The following FUT8 variants were observed in gnomAD, a reference collection of about 807,000 sequenced individuals.
FUT8 encodes the protein fucosyltransferase 8.
FUT8 carries 29 observed loss-of-function variants against 71.3 expected under a neutral mutation model. The observed-to-expected ratio is 0.41, with a 90% CI of 0.30 to 0.55. The LOEUF is 0.55. FUT8 is among the 20% of genes least tolerant of loss of function. The pLI, the probability that FUT8 is intolerant of heterozygous loss-of-function variation, is 0.34. For synonymous variants in FUT8, 254 were observed against 239.3 expected (o/e 1.06, Z -0.57); for missense variants, 544 against 702.1 (o/e 0.77, Z 2.55).
At chr14:65,599,857 G>A (rs1037476318) in intron 3 of FUT8, among the ~76,000 whole-genome samples, 1 of 152,072 alleles carries the variant, frequency 6.6e-6, no homozygotes, top group East Asian at 1.9e-4. Flanking sequence ...TACAATAATC[G>A]TTAATTTTAT....
chr14:65,674,658 T>A (rs540640895), intron 7 of FUT8, among the ~76,000 whole-genome samples: 102 of 152,336 alleles, frequency 6.7e-4, no homozygotes, highest in African/African-American at 2.3e-3. Flanking sequence ...GGGCCACTCA[T>A]AGAGTCTCTC....
At chr14:65,740,329 GGGGC>G in intron 10 of FUT8, among the ~76,000 whole-genome samples, 1 of 5,178 alleles carries the variant, frequency 1.9e-4, no homozygotes, top group South Asian at 0.016. Flanking sequence ...TAAAAATATT[GGGGC>G]AAATGTAGTT....
At chr14:65,740,431 A>T (rs1272386699) in intron 10 of FUT8, among the ~76,000 whole-genome samples, 1 of 152,034 alleles carries the variant, frequency 6.6e-6, no homozygotes, top group Non-Finnish European at 1.5e-5. Context: ...TGATTAACCT[A>T]GTCAGATTTT....
the FUT8 span, among the ~76,000 whole-genome samples, chr14:65,376,810 T>C: frequency 2.0e-5 from 3 of 152,118 alleles, no homozygotes; most frequent in Non-Finnish European, 4.4e-5. Context: ...AACAACTCCA[T>C]GTTTGATGGG....
At chr14:65,695,042 A>G (rs1893920355) in intron 7 of FUT8, among the ~76,000 whole-genome samples, 1 of 152,186 alleles carries the variant, frequency 6.6e-6, no homozygotes, top group East Asian at 1.9e-4. Flanking sequence ...TTAGAGTATA[A>G]TAAATAAATA....
rs200756618 is a variant in FUT8, at chr14:65,603,700, T to TA, written c.204-12269dup. ...TCTTTTCAAAAGAACAAAAATACAC[T>TA]AAAAAAAAATCCAAGGTATACAGGC... On this transcript the variant is annotated intron_variant, in intron 3 of 10. Transcript: ENST00000673929. The surrounding 1 kb of genome is among the most constrained non-coding windows in gnomAD (Gnocchi z 4.5). 3.4e-3 allele frequency among the ~76,000 whole-genome samples: 515 copies of TA among 150,944 alleles called. 5 individuals carry two copies. The highest frequency in any genetic ancestry group is 0.011 in the South Asian group (52 of 4,746).
In FUT8 at chr14:65,627,297, G is replaced by T. The variant is rs982246399; in HGVS notation, c.483-2195G>T. ...AGCAGTGAATCCATACGGGCCTGCA[G>T]CAGCTCGATTCTTGCTTCCTTGGAG... On this transcript the variant is annotated intron_variant, in intron 5 of 10. Coordinates refer to ENST00000673929, the MANE Select transcript of FUT8 (RefSeq NM_001371533.1). This position sits in a 1 kb window ranked among gnomAD's most constrained non-coding sequence, Gnocchi z 4.0. Among the ~76,000 whole-genome samples the T allele has an allele frequency of 6.6e-6, 1 of 152,154 alleles. No homozygotes were observed. The highest frequency in any genetic ancestry group is 2.4e-5 in the African/African-American group (1 of 41,428).
the FUT8 span, among the ~76,000 whole-genome samples, chr14:65,402,047 C>G: frequency 6.6e-6 from 1 of 151,920 alleles, no homozygotes; most frequent in Non-Finnish European, 1.5e-5. Context: ...TGGGGTAAGT[C>G]TCAGTTCTTG....
intron 2 of FUT8, among the ~76,000 whole-genome samples, chr14:65,543,277 A>T (rs1351880142): frequency 2.6e-5 from 4 of 152,204 alleles, no homozygotes; most frequent in African/African-American, 9.6e-5. Context: ...TATGAAAATG[A>T]CTTTGAATCT....
chr14:65,696,306 G>A (rs1307451528), intron 7 of FUT8, among the ~76,000 whole-genome samples: 3 of 152,130 alleles, frequency 2.0e-5, no homozygotes, highest in African/African-American at 7.2e-5. Flanking sequence ...AAGTGAAGGA[G>A]AAATACTGCA....
intron 2 of FUT8, among the ~76,000 whole-genome samples, chr14:65,547,121 T>C (rs1388855869): frequency 1.3e-5 from 2 of 151,626 alleles, no homozygotes; most frequent in African/African-American, 2.4e-5. Flanking sequence ...CTTTTTTTTT[T>C]CAGCTTGTGT....
At position 65,702,120 on chromosome 14, in the gene FUT8, C is replaced by T. The variant is rs368908123; in HGVS notation, c.836-19655C>T. On this transcript the variant is annotated intron_variant, in intron 7 of 10. Transcript: ENST00000673929. ...CAGCACTTTGGGAGGCCAAGGTGGGCGGATCACCTGAGGTTGGGAGTTCAA... is the reference window on the plus strand; with the variant it reads ...CAGCACTTTGGGAGGCCAAGGTGGGTGGATCACCTGAGGTTGGGAGTTCAA... Among the ~76,000 whole-genome samples the T allele has an allele frequency of 1.3e-4, 20 of 152,008 alleles. No individual in the cohort carries two copies. The South Asian group carries it at 1.9e-3, about 14-fold the overall frequency.
At chr14:65,417,558 A>G (rs1268657298) in intron 1 of FUT8, among the ~76,000 whole-genome samples, 1 of 152,076 alleles carries the variant, frequency 6.6e-6, no homozygotes, top group Non-Finnish European at 1.5e-5. Context: ...TTACTTTTGT[A>G]CTCTTACTGA....
At chr14:65,517,556 A>T (rs1193918850) in intron 2 of FUT8, among the ~76,000 whole-genome samples, 2 of 152,220 alleles carry the variant, frequency 1.3e-5, no homozygotes, top group Non-Finnish European at 2.9e-5. Context: ...CACAGTCAAC[A>T]TATGCATATT....
chr14:65,545,584 T>A lies in FUT8; in HGVS notation c.-227-15753T>A, dbSNP rs76538794. Reference sequence around the variant, plus strand: ...TTCTGTTAAATTTTTCAGTTTATTCTATTATGTTGAATTACTTCAAGAAAC... The same window carrying A: ...TTCTGTTAAATTTTTCAGTTTATTCAATTATGTTGAATTACTTCAAGAAAC... On this transcript the variant is annotated intron_variant, in intron 2 of 10. Coordinates refer to ENST00000673929, the MANE Select transcript of FUT8 (RefSeq NM_001371533.1). 4.4e-3 allele frequency among the ~76,000 whole-genome samples: 663 copies of A among 152,006 alleles called. 3 individuals carry two copies. Among genetic ancestry groups the A allele is most frequent in the African/African-American group, 0.015 (636 of 41,568 alleles).
chr14:65,548,784 A>G (rs967106439), intron 2 of FUT8, among the ~76,000 whole-genome samples: 5 of 152,126 alleles, frequency 3.3e-5, no homozygotes, highest in Non-Finnish European at 7.4e-5. Flanking sequence ...TAAAAGAATA[A>G]AAAGATAAGC....
chr14:65,383,401 C>T, the FUT8 span, among the ~76,000 whole-genome samples: 35 of 151,508 alleles, frequency 2.3e-4, no homozygotes, highest in South Asian at 6.3e-4. Context: ...CAGCCTCTCA[C>T]GTGGCTGGAA....
intron 2 of FUT8, among the ~76,000 whole-genome samples, chr14:65,487,116 T>C (rs1227945870): frequency 6.6e-6 from 1 of 152,198 alleles, no homozygotes; most frequent in Non-Finnish European, 1.5e-5. Context: ...AGGAGAGTTC[T>C]AACTTGGAGA....
At chr14:65,651,147 A>G (rs1460196749) in intron 6 of FUT8, among the ~76,000 whole-genome samples, 1 of 152,142 alleles carries the variant, frequency 6.6e-6, no homozygotes, top group Non-Finnish European at 1.5e-5. Context: ...AACCCTCCCA[A>G]CTAGAGTGTG....
Sources: gnomAD v4.1 joint callset for allele counts (sites outside exome capture counted in the v4.1 genomes callset) on GRCh38, gnomAD v4.1.1 for gene constraint, Gnocchi (gnomAD v3.1) non-coding constraint, MANE v1.5 for transcripts, NCBI Gene and HGNC (gene_info 2026-07-23, HGNC 2026-07-21) for gene names.